The following CDK13 variants were observed in gnomAD, a reference collection of about 807,000 sequenced individuals.
CDK13 encodes cyclin dependent kinase 13, also known as cyclin-dependent kinase 13.
A neutral mutation model predicts 137.6 loss-of-function variants in CDK13; 40 were observed. The ratio of observed to expected loss-of-function variants is 0.29; its 90% CI spans 0.23 to 0.38. The LOEUF is 0.38. Among genes scored for constraint, CDK13 ranks in the 10% least tolerant of loss-of-function variants. The probability of loss-of-function intolerance (pLI) is 1.00; values close to 1 mark genes in which losing one functional copy is unlikely to be tolerated. For missense variants in CDK13, 1,704 were observed against 1,951.8 expected, an observed-to-expected ratio of 0.87 and a Z score of 2.39; for synonymous variants, 869 against 760.1, an observed-to-expected ratio of 1.14 and a Z score of -2.36.
At chr7:39,981,370 T>TA (rs34499938) in intron 1 of CDK13, among the ~76,000 whole-genome samples, 4,986 of 138,542 alleles carry the variant, frequency 0.036, 261 homozygotes, top group African/African-American at 0.13. Flanking sequence ...GACCCTGTCT[T>TA]AAAAAAAAAA....
At chr7:39,969,773 G>C (rs1270627227) in intron 1 of CDK13, among the ~76,000 whole-genome samples, 1 of 151,910 alleles carries the variant, frequency 6.6e-6, no homozygotes, top group Non-Finnish European at 1.5e-5. Flanking sequence ...GTAATGTTGA[G>C]TATACTTCCA....
In CDK13 at chr7:40,003,153, TACACACACAC is replaced by T. The variant is rs71560157; in HGVS notation, c.2353+1167_2353+1176del. Among the ~76,000 whole-genome samples, 148 of 119,908 alleles carry T rather than the reference TACACACACAC, an allele frequency of 1.2e-3. 2 individuals are homozygous for T. The highest frequency in any genetic ancestry group is 3.0e-3 in the South Asian group (10 of 3,298). 78.7% of individuals were successfully genotyped at this position (119,908 alleles called of 152,430 possible). ...TACTTAGACTCCTGTCTTCCCCAGC[TACACACACAC>T]ACACACACACACACACACACACACA... On this transcript the variant is annotated intron_variant, in intron 5 of 13. Transcript: ENST00000181839.
chr7:40,070,097 G>A (rs1357017866), intron 9 of CDK13: 1 of 146,512 alleles, frequency 6.8e-6, no homozygotes, highest in Non-Finnish European at 1.5e-5. Context: ...AAAAAAAGCC[G>A]GGCATGGCGG....
At position 39,958,215 on chromosome 7, in the gene CDK13, A is replaced by G. The variant is rs529956116; in HGVS notation, c.1211+6363A>G. On this transcript the variant is annotated intron_variant, in intron 1 of 13. Coordinates refer to ENST00000181839, the MANE Select transcript of CDK13 (RefSeq NM_003718.5). ...GAACCGAAAATGGTAAATGATCTACACGCCTCCCTGCTTTTCTGTTTGCAT... is the reference window on the plus strand; with the variant it reads ...GAACCGAAAATGGTAAATGATCTACGCGCCTCCCTGCTTTTCTGTTTGCAT... Among the ~76,000 whole-genome samples the G allele has an allele frequency of 4.6e-5, 7 of 152,310 alleles. No homozygotes were observed. The East Asian group carries it at 1.3e-3, about 29-fold the overall frequency.
rs965602946 is a variant in CDK13 at position 40,026,925 on chromosome 7, A to G, written c.2354-18911A>G. ...TATAGACTTAGCTGGTTTCTCTTCA[A>G]GCTATTAGCTGGTTAGGGAGATGAT... On this transcript the variant is annotated intron_variant, in intron 5 of 13. Transcript: ENST00000181839. Among the ~76,000 whole-genome samples, 14 of 152,354 alleles carry G rather than the reference A, an allele frequency of 9.2e-5. No homozygotes were observed. The East Asian group carries it at 2.5e-3, about 27-fold the overall frequency.
chr7:39,952,425 A>G (rs561081020), intron 1 of CDK13: 1 of 152,354 alleles, frequency 6.6e-6, no homozygotes, highest in African/African-American at 2.4e-5. Flanking sequence ...GTGGAAGCCG[A>G]TAGTTCTGAA....
At chr7:40,054,545 C>T (rs1364437312) in intron 7 of CDK13, among the ~76,000 whole-genome samples, 1 of 151,994 alleles carries the variant, frequency 6.6e-6, no homozygotes. Context: ...ATTCTCCTGC[C>T]TCAGTCTCCC....
intron 7 of CDK13, among the ~76,000 whole-genome samples, chr7:40,050,450 G>GGCGT (rs1785861095): frequency 6.6e-6 from 1 of 152,162 alleles, no homozygotes; most frequent in Non-Finnish European, 1.5e-5. Flanking sequence ...GGAGTGCAGT[G>GGCGT]GCGTGATCTC....
chr7:39,961,017 A>T (rs1021842550), intron 1 of CDK13, among the ~76,000 whole-genome samples: 8 of 150,686 alleles, frequency 5.3e-5, no homozygotes, highest in East Asian at 1.9e-4. Flanking sequence ...TTTTAAAATA[A>T]TTTTTTTTTT....
chr7:40,079,817 AAATAT>A lies in CDK13; in HGVS notation c.3029+968_3029+972del, dbSNP rs563675451. On this transcript the variant is annotated intron_variant, in intron 11 of 13. Transcript: ENST00000181839. ...AGAAGGAATTATTGTCTGATGGGGG[AAATAT>A]ATAGAGTTTGGGAGTCAAAATAGCT... Among the ~76,000 whole-genome samples the A allele has an allele frequency of 5.9e-5, 9 of 152,250 alleles. No individual in the cohort carries two copies. In the South Asian group the frequency reaches 1.7e-3, roughly 28 times the overall value.
At chr7:40,044,793 T>C (rs907578569) in intron 5 of CDK13, among the ~76,000 whole-genome samples, 2 of 152,000 alleles carry the variant, frequency 1.3e-5, no homozygotes, top group African/African-American at 2.4e-5. Flanking sequence ...TCCACCACCA[T>C]GCCAGGCTAA....
chr7:39,995,248 TA>T (rs1414691480), intron 2 of CDK13, among the ~76,000 whole-genome samples: 3 of 152,208 alleles, frequency 2.0e-5, no homozygotes, highest in African/African-American at 7.2e-5. Flanking sequence ...ACTGGACATT[TA>T]ATATAGATAG....
chr7:40,046,865 G>T (rs1299123014), intron 6 of CDK13, among the ~76,000 whole-genome samples: 1 of 151,640 alleles, frequency 6.6e-6, no homozygotes, highest in Admixed American at 6.6e-5. Flanking sequence ...AACCCGGTGT[G>T]GTGGCACACA....
intron 4 of CDK13, among the ~76,000 whole-genome samples, chr7:40,000,751 TA>T (rs1784665644): frequency 6.6e-6 from 1 of 152,232 alleles, no homozygotes; most frequent in South Asian, 2.1e-4. Flanking sequence ...AGGCATTCCA[TA>T]AAAATTAATA....
In CDK13 at chr7:40,003,935, G is replaced by A. The variant is rs374864815; in HGVS notation, c.2353+1904G>A. Among the ~76,000 whole-genome samples the A allele has an allele frequency of 4.1e-4, 63 of 152,234 alleles. No individual in the cohort carries two copies. The South Asian group carries it at 8.5e-3, about 21-fold the overall frequency. ...GATCAGTCTTCCCACTTTCTACTAC[G>A]TATAGACACAGACAATTTAATGTTT... is the stretch of plus-strand genomic sequence containing the variant. On this transcript the variant is annotated intron_variant, in intron 5 of 13. Transcript: ENST00000181839.
chr7:40,083,892 C>A (rs1786726060), intron 11 of CDK13, among the ~76,000 whole-genome samples: 1 of 151,948 alleles, frequency 6.6e-6, no homozygotes, highest in Admixed American at 6.6e-5. Flanking sequence ...CACTATTTTG[C>A]AATATGATAT....
chr7:40,050,930 T>C (rs1000568865), intron 7 of CDK13, among the ~76,000 whole-genome samples: 5 of 152,222 alleles, frequency 3.3e-5, no homozygotes, highest in African/African-American at 1.2e-4. Context: ...GGAATAGATA[T>C]GTTTCAGAAA....
At chr7:40,048,710 A>G (rs764086930) in intron 7 of CDK13, 1 of 151,556 alleles carries the variant, frequency 6.6e-6, no homozygotes, top group African/African-American at 2.4e-5. Context: ...ACTTTCATTT[A>G]ATCTTTGCTT....
chr7:40,022,263 C>T (rs1466046212), intron 5 of CDK13, among the ~76,000 whole-genome samples: 2 of 152,130 alleles, frequency 1.3e-5, no homozygotes. Context: ...AGGGATTGAT[C>T]TAGTTTTTCT....
Sources: allele counts gnomAD v4.1 joint callset (sites outside exome capture counted in the v4.1 genomes callset), GRCh38; gene constraint gnomAD v4.1.1; transcripts MANE v1.5; gene names NCBI Gene and HGNC (gene_info 2026-07-23, HGNC 2026-07-21).